Variants in CDC37L1 observed in about 807,000 individuals in gnomAD.
CDC37L1 encodes cell division cycle 37 like 1, HSP90 cochaperone.
A neutral mutation model predicts 45.9 loss-of-function variants in CDC37L1; 32 were observed. The ratio of observed to expected loss-of-function variants is 0.70; its 90% confidence interval spans 0.53 to 0.94. The LOEUF (loss-of-function observed/expected upper bound fraction) is 0.94. Among genes scored for constraint, CDC37L1 ranks in the 40% least tolerant of loss-of-function variants. CDC37L1 has a pLI of 0.00. For missense variants in CDC37L1, 434 were observed against 405.7 expected, an observed-to-expected ratio of 1.07 and a Z score of -0.60; for synonymous variants, 150 against 133.0, an observed-to-expected ratio of 1.13 and a Z score of -0.88.
intron 6 of CDC37L1, chr9:4,703,283 T>G: frequency 2.3e-6 from 1 of 434,148 alleles, no homozygotes; most frequent in Non-Finnish European, 3.8e-6. Context: ...GTATGTCCTT[T>G]AAGGAAAGTG....
chr9:4,685,364 C>A, intron 2 of CDC37L1: 1 of 479,726 alleles, frequency 2.1e-6, no homozygotes, highest in Non-Finnish European at 3.8e-6. Flanking sequence ...AGTTAAGTGA[C>A]CAGACTGAAA....
chr9:4,706,723 T>C lies in CDC37L1; in HGVS notation c.*611T>C, dbSNP rs1479996873. 6.6e-6 allele frequency: 1 copy of C among 152,434 alleles called. No individual in the cohort carries two copies. The highest frequency in any genetic ancestry group is 1.5e-5 in the Non-Finnish European group (1 of 68,022). 9.4% of individuals were successfully genotyped at this position (152,434 alleles called of 1,614,324 possible). ...ATACAAATTTGATATATACATTACA[T>C]TTACCCTCAAATTATTCTCAAAACT... On this transcript the variant is annotated 3_prime_UTR_variant, in exon 7 of 7. Transcript: ENST00000381854.
chr9:4,686,443 A>C (rs1203852742), intron 2 of CDC37L1, among the ~76,000 whole-genome samples: 5 of 152,172 alleles, frequency 3.3e-5, no homozygotes, highest in African/African-American at 1.2e-4. Flanking sequence ...TATTGTTTTA[A>C]GGGGTGCATC....
intron 3 of CDC37L1, among the ~76,000 whole-genome samples, chr9:4,692,837 G>A (rs1841314131): frequency 6.6e-6 from 1 of 152,110 alleles, no homozygotes; most frequent in Admixed American, 6.5e-5. Context: ...CACAGGACTT[G>A]GTGGTCAATT....
At chr9:4,691,491 TC>T (rs1485846374) in intron 3 of CDC37L1, among the ~76,000 whole-genome samples, 2 of 152,236 alleles carry the variant, frequency 1.3e-5, no homozygotes. Flanking sequence ...TCTAAACACA[TC>T]TGCAATAGGA....
Position 4,706,133 on chromosome 9 carries a change from C to G in CDC37L1, c.*21C>G, listed in dbSNP as rs777016331. The G allele has an allele frequency of 7.0e-6, 8 of 1,142,528 alleles. No individual in the cohort carries two copies. The highest frequency in any genetic ancestry group is 9.3e-6 in the Non-Finnish European group (7 of 752,462). 70.8% of individuals were successfully genotyped at this position (1,142,528 alleles called of 1,614,324 possible). On this transcript the variant is annotated 3_prime_UTR_variant, in exon 7 of 7. Coordinates refer to ENST00000381854, the MANE Select transcript of CDC37L1 (RefSeq NM_017913.4). ...TATAATTTGGTTAAGACTGCTGAGG[C>G]CAAGTGCTATTTTGTTACAAGAAAG...
chr9:4,697,824 A>G lies in CDC37L1; in HGVS notation c.692A>G (p.Lys231Arg). Residue 231 changes from lysine (K) to arginine (R), a missense_variant, in exon 5 of 7, where the codon AAA becomes AGA. Transcript: ENST00000381854. ...VVMQFIMEMA[K>R]NCNVDPRGCF... is the part of the protein sequence containing the mutation. Reference sequence around the variant, plus strand: ...ATGCAGTTTATTATGGAAATGGCCAAAAACTGTAATGTGGATCCAAGAGGG... The same window carrying G: ...ATGCAGTTTATTATGGAAATGGCCAGAAACTGTAATGTGGATCCAAGAGGG... 6.2e-7 allele frequency: 1 copy of G among 1,612,342 alleles called. No homozygotes were observed. The highest frequency in any genetic ancestry group is 2.2e-5 in the East Asian group (1 of 44,818).
intron 3 of CDC37L1, among the ~76,000 whole-genome samples, chr9:4,689,555 C>T (rs1180803117): frequency 6.6e-6 from 1 of 151,784 alleles, no homozygotes; most frequent in Non-Finnish European, 1.5e-5. Context: ...TCACTTTGCT[C>T]ATACTTTTCA....
chr9:4,684,935 C>G lies in CDC37L1; in HGVS notation c.191C>G (p.Ser64Cys). 2.5e-6 allele frequency: 4 copies of G among 1,613,782 alleles called. No individual in the cohort carries two copies. The highest frequency in any genetic ancestry group is 3.4e-6 in the Non-Finnish European group (4 of 1,179,728). The part of the protein sequence containing the change: ...CQKQKEFVKS[S>C]VACKWNLAEA... ...AAGCAGAAAGAGTTTGTGAAGAGCT[C>G]TGTGGCGTGCAAATGGAATCTTGCT... The change falls in exon 2 of 7, where the codon TCT becomes TGT. Residue 64 changes from serine (S) to cysteine (C), a missense_variant. By Grantham distance (112) the Ser-to-Cys change is moderately radical. Coordinates refer to ENST00000381854, the MANE Select transcript of CDC37L1 (RefSeq NM_017913.4).
intron 3 of CDC37L1, among the ~76,000 whole-genome samples, chr9:4,689,525 G>T (rs114735256): frequency 0.011 from 1,618 of 151,556 alleles, 33 homozygotes; most frequent in African/African-American, 0.038. Context: ...TTCCTTTTAT[G>T]TAATTTATTC....
rs951034182 is a variant in CDC37L1 at position 4,697,744 on chromosome 9, A to C, written c.625-13A>C. ...TATATATTTGTTTCTTATATCATTT[A>C]AATCTTTTTCAGAAAGGGGCTTTAA... is the stretch of plus-strand genomic sequence containing the variant. On this transcript the variant is annotated splice_polypyrimidine_tract_variant and intron_variant, in intron 4 of 6. Coordinates refer to ENST00000381854, the MANE Select transcript of CDC37L1 (RefSeq NM_017913.4). The C allele has an allele frequency of 3.8e-6, 5 of 1,331,818 alleles. No individual in the cohort carries two copies. The Admixed American group carries it at 5.6e-5, about 15-fold the overall frequency. The allele number at this position is 1,331,818 out of a possible 1,614,324, so 82.5% of individuals were successfully genotyped here.
intron 3 of CDC37L1, among the ~76,000 whole-genome samples, chr9:4,694,472 A>T (rs772151721): frequency 1.3e-5 from 2 of 152,232 alleles, no homozygotes; most frequent in African/African-American, 4.8e-5. Context: ...TACTAATTCA[A>T]TGTGCATTTT....
rs976559473 is a variant in CDC37L1, at chr9:4,679,627, G to T, written c.-141G>T. 8.0e-5 allele frequency: 57 copies of T among 709,436 alleles called. No individual in the cohort carries two copies. The highest frequency in any genetic ancestry group is 1.2e-4 in the Non-Finnish European group (55 of 451,054). 43.9% of individuals were successfully genotyped at this position (709,436 alleles called of 1,614,324 possible). A position where few individuals can be genotyped will look rare whatever the true frequency, so the allele number is the denominator to read the frequency against. The stretch of plus-strand genomic sequence containing the variant: ...GTCGCCGGGTGTGCAGCGGCGTCGC[G>T]GCCAGTAGAGGGATTCTGGGTAACG... On this transcript the variant is annotated 5_prime_UTR_variant, in exon 1 of 7. Transcript: ENST00000381854.
chr9:4,697,123 A>G lies in CDC37L1; in HGVS notation c.536A>G (p.Gln179Arg), dbSNP rs367867848. 2.6e-6 allele frequency: 4 copies of G among 1,564,796 alleles called. No individual in the cohort carries two copies. Among genetic ancestry groups the G allele is most frequent in the Admixed American group, 1.7e-5 (1 of 59,500 alleles). Residue 179 changes from glutamine (Q) to arginine (R), a missense_variant, in exon 4 of 7, where the codon CAG becomes CGG. Transcript: ENST00000381854. ...FGMLSRWDDS[Q>R]RFLSDHPYLV... ...ATGTTGAGTCGATGGGATGATAGCC[A>G]GAGATTTTTGTCTGACCATCCATAC... is the stretch of plus-strand genomic sequence containing the variant.
Position 4,703,116 on chromosome 9 carries a change from G to T in CDC37L1, c.912+1088G>T. On this transcript the variant is annotated intron_variant, in intron 6 of 6. Coordinates refer to ENST00000381854, the MANE Select transcript of CDC37L1 (RefSeq NM_017913.4). ...AAGATTTTAAGACCAGCTTTAGCCAGTTTAATCTGTTGTCTACATTGTGAG... is the reference window on the plus strand; with the variant it reads ...AAGATTTTAAGACCAGCTTTAGCCATTTTAATCTGTTGTCTACATTGTGAG... 4 of 1,536,550 alleles carry T rather than the reference G, an allele frequency of 2.6e-6. 1 individual carries two copies. In the South Asian group the frequency reaches 4.9e-5, roughly 19 times the overall value.
chr9:4,685,040 C>T lies in CDC37L1; in HGVS notation c.296C>T (p.Ala99Val). ...LDQEHAKAQT[A>V]VSELRQREEE... Reference sequence around the variant, plus strand: ...CAGGAGCATGCCAAAGCACAAACAGCAGTATCAGAACTGAGGCAACGGGAA... The same window carrying T: ...CAGGAGCATGCCAAAGCACAAACAGTAGTATCAGAACTGAGGCAACGGGAA... The change falls in exon 2 of 7, where the codon GCA becomes GTA. Residue 99 changes from alanine to valine, a missense_variant. Coordinates refer to ENST00000381854, the MANE Select transcript of CDC37L1 (RefSeq NM_017913.4). 6.2e-7 allele frequency: 1 copy of T among 1,613,964 alleles called. No individual in the cohort carries two copies. Among genetic ancestry groups the T allele is most frequent in the Non-Finnish European group, 8.5e-7 (1 of 1,179,896 alleles).
At position 4,706,835 on chromosome 9, in the gene CDC37L1, AAATAAG is replaced by A. The variant is rs1256288994; in HGVS notation, c.*729_*734del. 2 of 137,544 alleles carry A rather than the reference AAATAAG, an allele frequency of 1.5e-5. No homozygotes were observed. The highest frequency in any genetic ancestry group is 3.1e-5 in the Non-Finnish European group (2 of 65,290). 8.5% of individuals were successfully genotyped at this position (137,544 alleles called of 1,614,324 possible). A position where few individuals can be genotyped will look rare whatever the true frequency, so the allele number is the denominator to read the frequency against. On this transcript the variant is annotated 3_prime_UTR_variant, in exon 7 of 7. Transcript: ENST00000381854. ...ATGAGCTAATATAGATTTTCTTTTT[AAATAAG>A]AATAACTTCAAGCTCACTCTTTCTT...
chr9:4,681,876 C>T (rs931452416), intron 1 of CDC37L1, among the ~76,000 whole-genome samples: 4 of 152,074 alleles, frequency 2.6e-5, no homozygotes, highest in Admixed American at 2.6e-4. Context: ...TTCTTAGATC[C>T]AATTAATGTA....
At chr9:4,705,957 C>T in intron 6 of CDC37L1, 54 bp from the exon 7 acceptor site, 2 of 820,434 alleles carry the variant, frequency 2.4e-6, no homozygotes, top group Middle Eastern at 2.3e-4. Context: ...TGTCATAAAA[C>T]TGGTTATAAT....
Sources: gnomAD v4.1 joint callset for allele counts (sites outside exome capture counted in the v4.1 genomes callset) on GRCh38, gnomAD v4.1.1 for gene constraint, MANE v1.5 for transcripts, NCBI Gene and HGNC (gene_info 2026-07-23, HGNC 2026-07-21) for gene names.